Variants in ZNF236 observed in about 807,000 individuals in gnomAD.
ZNF236 encodes the protein regulated by glucose.
ZNF236 carries 50 observed loss-of-function variants against 191.2 expected under a neutral mutation model. That is an observed-to-expected ratio of 0.26 (90% CI 0.21 to 0.33). ZNF236 has a LOEUF of 0.33. Ranked by LOEUF, ZNF236 falls within the 10% of genes least tolerant of loss-of-function variation. ZNF236 has a pLI of 1.00. For missense variants in ZNF236, 1,754 were observed against 2,374.5 expected, an observed-to-expected ratio of 0.74 and a Z score of 5.43; for synonymous variants, 907 against 928.8, an observed-to-expected ratio of 0.98 and a Z score of 0.43.
At chr18:76,936,353 T>C (rs1201488761) in intron 25 of ZNF236, 2 of 456,560 alleles carry the variant, frequency 4.4e-6, no homozygotes, top group Middle Eastern at 3.2e-4. Context: ...CAACGTTGTG[T>C]TCACTGGTGC....
rs1004870739 is a variant in ZNF236, at chr18:76,875,174, C to T, written c.668-318C>T. On this transcript the variant is annotated intron_variant, in intron 5 of 30. Transcript: ENST00000320610. The surrounding 1 kb of genome is among the most constrained non-coding windows in gnomAD (Gnocchi z 4.3). ...TTTGAAGTTATTATTGAGTGTGAGA[C>T]GTGAGAGAAACCAAAGATAAGGATG... 1.3e-5 allele frequency among the ~76,000 whole-genome samples: 2 copies of T among 151,972 alleles called. No individual in the cohort carries two copies. The highest frequency in any genetic ancestry group is 2.9e-5 in the Non-Finnish European group (2 of 68,002).
chr18:76,940,605 A>G (rs567338920), intron 26 of ZNF236, among the ~76,000 whole-genome samples: 63 of 152,244 alleles, frequency 4.1e-4, no homozygotes, highest in Non-Finnish European at 8.4e-4. Context: ...AAAAACCCAG[A>G]AAGGCATTTA....
At position 76,961,521 on chromosome 18, in the gene ZNF236, G is replaced by C. The variant is rs568303276; in HGVS notation, c.5419+666G>C. 1.1e-4 allele frequency among the ~76,000 whole-genome samples: 16 copies of C among 152,158 alleles called. No homozygotes were observed. The South Asian group carries it at 3.3e-3, about 32-fold the overall frequency. ...TGCTGCCATAAACATGCGTGTGCAAGTGTCTTTTTCATACAATGAAAAAGA... is the reference window on the plus strand; with the variant it reads ...TGCTGCCATAAACATGCGTGTGCAACTGTCTTTTTCATACAATGAAAAAGA... On this transcript the variant is annotated intron_variant, in intron 30 of 30. Coordinates refer to ENST00000320610, the MANE Select transcript of ZNF236 (RefSeq NM_001306089.2).
chr18:76,940,073 G>A (rs1268580818), intron 26 of ZNF236, among the ~76,000 whole-genome samples: 88 of 65,528 alleles, frequency 1.3e-3, no homozygotes, highest in South Asian at 6.0e-3. Context: ...CTAGCACTGT[G>A]TTTGGGAACA....
chr18:76,884,283 C>T (rs1011595297), intron 9 of ZNF236, among the ~76,000 whole-genome samples: 8 of 151,940 alleles, frequency 5.3e-5, no homozygotes, highest in Non-Finnish European at 1.0e-4. Flanking sequence ...CACCTGTAAT[C>T]CCAGCTACTC....
chr18:76,943,734 C>T (rs1249703900), intron 26 of ZNF236, among the ~76,000 whole-genome samples: 1 of 152,212 alleles, frequency 6.6e-6, no homozygotes, highest in Non-Finnish European at 1.5e-5. Context: ...GTAAGTTTAA[C>T]ACTGAGAGTC....
chr18:76,838,737 A>G (rs1568188376), intron 1 of ZNF236, among the ~76,000 whole-genome samples: 1 of 152,242 alleles, frequency 6.6e-6, no homozygotes, highest in Non-Finnish European at 1.5e-5. Context: ...AGTAAACTAT[A>G]TTGATATATA....
At chr18:76,912,619 C>A (rs1967247695) in intron 17 of ZNF236, among the ~76,000 whole-genome samples, 1 of 152,198 alleles carries the variant, frequency 6.6e-6, no homozygotes, top group South Asian at 2.1e-4. Context: ...CTTCCCGTCA[C>A]TGTTTTAAGT....
At chr18:76,929,851 T>C (rs2122852928) in intron 25 of ZNF236, among the ~76,000 whole-genome samples, 1 of 152,352 alleles carries the variant, frequency 6.6e-6, no homozygotes, top group Admixed American at 6.5e-5. Flanking sequence ...AAAGATTTCA[T>C]AGTGTGTTCT....
intron 10 of ZNF236, among the ~76,000 whole-genome samples, chr18:76,896,391 G>A (rs564242717): frequency 2.0e-3 from 297 of 147,044 alleles, no homozygotes; most frequent in Middle Eastern, 8.4e-3. Flanking sequence ...ACTCAGTATC[G>A]AACACAGTAC....
chr18:76,871,933 G>T, intron 5 of ZNF236, 108 bp downstream of exon 5: 1 of 1,391,506 alleles, frequency 7.2e-7, no homozygotes, highest in Middle Eastern at 1.9e-4. Context: ...CTCATAGTTT[G>T]CTGGATAATC....
chr18:76,870,294 A>C (rs992191053), intron 4 of ZNF236, among the ~76,000 whole-genome samples: 13 of 152,030 alleles, frequency 8.6e-5, no homozygotes, highest in Admixed American at 2.6e-4. Flanking sequence ...TTCCCCAACC[A>C]ATTTGATGGT....
chr18:76,841,442 A>C (rs1975500939), intron 1 of ZNF236, among the ~76,000 whole-genome samples: 1 of 151,656 alleles, frequency 6.6e-6, no homozygotes, highest in Admixed American at 6.5e-5. Flanking sequence ...AGGACCACTT[A>C]ATGAGTTTCT....
intron 3 of ZNF236, among the ~76,000 whole-genome samples, chr18:76,852,840 T>C (rs1272228002): frequency 6.6e-6 from 1 of 152,210 alleles, no homozygotes; most frequent in Non-Finnish European, 1.5e-5. Flanking sequence ...TGACTGAAGA[T>C]GGTTTAGACT....
rs1327799352 is a variant in ZNF236 at position 76,875,365 on chromosome 18, T to G, written c.668-127T>G. Reference sequence around the variant, plus strand: ...TAAAGTAGACACTTGTATATATGCATCTAGAGTTCTGGGGAGACATTTTGG... The same window carrying G: ...TAAAGTAGACACTTGTATATATGCAGCTAGAGTTCTGGGGAGACATTTTGG... On this transcript the variant is annotated intron_variant, in intron 5 of 30. Coordinates refer to ENST00000320610, the MANE Select transcript of ZNF236 (RefSeq NM_001306089.2). The surrounding 1 kb of genome is among the most constrained non-coding windows in gnomAD (Gnocchi z 4.3). The G allele has an allele frequency of 1.2e-6, 1 of 832,514 alleles. No individual in the cohort carries two copies. The highest frequency in any genetic ancestry group is 1.8e-5 in the African/African-American group (1 of 56,920). The allele number at this position is 832,514 out of a possible 1,614,324, so 51.6% of individuals were successfully genotyped here. A position where few individuals can be genotyped will look rare whatever the true frequency, so the allele number is the denominator to read the frequency against.
At chr18:76,883,262 G>C (rs994513788) in intron 9 of ZNF236, among the ~76,000 whole-genome samples, 2 of 151,502 alleles carry the variant, frequency 1.3e-5, no homozygotes, top group African/African-American at 4.8e-5. Flanking sequence ...TGGACTACTT[G>C]AATCAATCAA....
intron 1 of ZNF236, among the ~76,000 whole-genome samples, chr18:76,839,625 A>C (rs1568188689): frequency 6.6e-6 from 1 of 152,134 alleles, no homozygotes; most frequent in Non-Finnish European, 1.5e-5. Flanking sequence ...GTCTGACTCC[A>C]AGTGCTGTAT....
intron 9 of ZNF236, chr18:76,887,851 G>A (rs1977103594): frequency 6.6e-6 from 1 of 152,212 alleles, no homozygotes; most frequent in Non-Finnish European, 1.5e-5. Flanking sequence ...GACATGTGGG[G>A]ATTATTAGCA....
chr18:76,888,553 T>C (rs1977129538), intron 9 of ZNF236: 1 of 152,300 alleles, frequency 6.6e-6, no homozygotes, highest in Admixed American at 6.5e-5. Context: ...GAATATTTGA[T>C]GTTCTGGTCC....
Sources: gnomAD v4.1 joint callset for allele counts (sites outside exome capture counted in the v4.1 genomes callset) on GRCh38, gnomAD v4.1.1 for gene constraint, Gnocchi (gnomAD v3.1) non-coding constraint, MANE v1.5 for transcripts, NCBI Gene and HGNC (gene_info 2026-07-23, HGNC 2026-07-21) for gene names.